BRWD1: variants seen among roughly 807,000 people sequenced by gnomAD.
BRWD1 encodes bromodomain and WD repeat domain containing 1.
In BRWD1, 82 loss-of-function variants were observed where a neutral mutation model predicts 251.2. The observed-to-expected ratio is 0.33, with a 90% CI of 0.27 to 0.39. BRWD1 has a LOEUF of 0.39. BRWD1 is among the 10% of genes least tolerant of loss of function. BRWD1 has a pLI of 1.00. For missense variants in BRWD1, 2,233 were observed against 2,711.6 expected, an observed-to-expected ratio of 0.82 and a Z score of 3.92; for synonymous variants, 918 against 902.8, an observed-to-expected ratio of 1.02 and a Z score of -0.30.
intron 4 of BRWD1, among the ~76,000 whole-genome samples, chr21:39,303,017 C>T (rs966011006): frequency 3.3e-5 from 5 of 152,004 alleles, no homozygotes; most frequent in Non-Finnish European, 4.4e-5. Context: ...CGAGATCACA[C>T]CACCACACTC....
chr21:39,261,779 A>T (rs965658402), intron 17 of BRWD1, among the ~76,000 whole-genome samples: 8 of 152,308 alleles, frequency 5.3e-5, no homozygotes, highest in African/African-American at 1.9e-4. Flanking sequence ...GAAGAAAAAA[A>T]AAAGAAAAAG....
At chr21:39,295,479 G>A (rs145174505) in intron 7 of BRWD1, among the ~76,000 whole-genome samples, 188 of 152,210 alleles carry the variant, frequency 1.2e-3, no homozygotes, top group African/African-American at 4.2e-3. Context: ...GAGCCACCGC[G>A]CCCGGCCAGG....
Position 39,241,325 on chromosome 21 carries a change from G to A in BRWD1, c.2482-2752C>T, listed in dbSNP as rs375663642. Among the ~76,000 whole-genome samples, 103 of 150,628 alleles carry A rather than the reference G, an allele frequency of 6.8e-4. 2 individuals are homozygous for A. The highest frequency in any genetic ancestry group is 2.4e-3 in the African/African-American group (99 of 41,200). ...TACCAAAAACATAAAAAAATTAGCCGGGTGTGGTGATGCATGCCTGTAATC... is the reference window on the plus strand; with the variant it reads ...TACCAAAAACATAAAAAAATTAGCCAGGTGTGGTGATGCATGCCTGTAATC... On this transcript the variant is annotated intron_variant, in intron 21 of 40. Coordinates refer to ENST00000342449, the MANE Select transcript of BRWD1 (RefSeq NM_033656.4).
chr21:39,306,000 T>C (rs981106561), intron 4 of BRWD1, among the ~76,000 whole-genome samples: 14 of 151,806 alleles, frequency 9.2e-5, no homozygotes, highest in African/African-American at 3.4e-4. Flanking sequence ...ATTGGGTCAC[T>C]GCAGTCCAGC....
intron 19 of BRWD1, among the ~76,000 whole-genome samples, chr21:39,252,810 C>A (rs2034439038): frequency 9.1e-6 from 1 of 109,310 alleles, no homozygotes; most frequent in Admixed American, 9.6e-5. Flanking sequence ...TGACAACATT[C>A]TGGTCAATGA....
intron 4 of BRWD1, among the ~76,000 whole-genome samples, chr21:39,306,767 TA>T (rs2146793035): frequency 6.6e-6 from 1 of 152,360 alleles, no homozygotes; most frequent in East Asian, 1.9e-4. Context: ...TCATTTTTCT[TA>T]AACCTTCAAG....
chr21:39,315,510 T>C (rs895096727), upstream of BRWD1, among the ~76,000 whole-genome samples: 5 of 151,952 alleles, frequency 3.3e-5, no homozygotes. Context: ...AGTGCGCGCC[T>C]CTAGTCCCAG....
chr21:39,255,625 A>G lies in BRWD1; in HGVS notation c.2255+20T>C, dbSNP rs1378415452. 1 of 1,587,938 alleles carries G rather than the reference A, an allele frequency of 6.3e-7. No individual in the cohort carries two copies. The highest frequency in any genetic ancestry group is 8.6e-7 in the Non-Finnish European group (1 of 1,156,670). On this transcript the variant is annotated intron_variant, in intron 19 of 40. Coordinates refer to ENST00000342449, the MANE Select transcript of BRWD1 (RefSeq NM_033656.4). ...ATTTTCACAGATAGAAACATTATAA[A>G]TAGATATCCTAAAACAAACCTAAAT...
chr21:39,315,230 C>G (rs926985169), upstream of BRWD1, among the ~76,000 whole-genome samples: 4 of 152,022 alleles, frequency 2.6e-5, no homozygotes, highest in Non-Finnish European at 4.4e-5. Flanking sequence ...TCTCGAACTC[C>G]TGGCCTCAGG....
intron 1 of BRWD1, among the ~76,000 whole-genome samples, chr21:39,320,493 A>G (rs953803799): frequency 6.6e-6 from 1 of 151,456 alleles, no homozygotes; most frequent in Non-Finnish European, 1.5e-5. Context: ...CACCACCACA[A>G]CTGGCTAGTT....
At chr21:39,293,150 G>A (rs1240770141) in intron 8 of BRWD1, among the ~76,000 whole-genome samples, 1 of 152,140 alleles carries the variant, frequency 6.6e-6, no homozygotes, top group East Asian at 1.9e-4. Context: ...CTCTGTATAG[G>A]TTCAAAATTA....
chr21:39,226,084 C>A (rs2033371118), intron 27 of BRWD1, among the ~76,000 whole-genome samples: 1 of 151,958 alleles, frequency 6.6e-6, no homozygotes, highest in Non-Finnish European at 1.5e-5. Context: ...ATTTTTCTTG[C>A]TATTTACCTA....
chr21:39,292,132 TGGG>T (rs1182694435), intron 8 of BRWD1, among the ~76,000 whole-genome samples: 1,235 of 12,390 alleles, frequency 0.1, 83 homozygotes, highest in African/African-American at 0.24. Flanking sequence ...TGGGTGGGGG[TGGG>T]GGGGGGGGTC....
chr21:39,316,657 G>A (rs972354552), upstream of BRWD1, among the ~76,000 whole-genome samples: 4 of 152,218 alleles, frequency 2.6e-5, no homozygotes, highest in Non-Finnish European at 5.9e-5. Flanking sequence ...GATGACACGA[G>A]CCCAGACACA....
chr21:39,294,612 GCC>G (rs1235642597), intron 7 of BRWD1, among the ~76,000 whole-genome samples: 7 of 146,402 alleles, frequency 4.8e-5, no homozygotes, highest in South Asian at 4.2e-4. Flanking sequence ...CGGAGATTGC[GCC>G]ACTGCACTCC....
chr21:39,270,716 T>A (rs1470654033), intron 13 of BRWD1, among the ~76,000 whole-genome samples: 1 of 152,254 alleles, frequency 6.6e-6, no homozygotes, highest in African/African-American at 2.4e-5. Context: ...TCCCTACTTC[T>A]TTCCTATTAT....
chr21:39,310,616 T>C (rs8131067), intron 4 of BRWD1, among the ~76,000 whole-genome samples: 115 of 152,210 alleles, frequency 7.6e-4, no homozygotes, highest in African/African-American at 2.7e-3. Context: ...AAAAAAAAAT[T>C]ATTATTATTC....
Position 39,228,491 on chromosome 21 carries a change from T to A in BRWD1, c.3208+9A>T. 1 of 1,600,346 alleles carries A rather than the reference T, an allele frequency of 6.2e-7. No individual in the cohort carries two copies. The highest frequency in any genetic ancestry group is 1.1e-5 in the South Asian group (1 of 90,664). The stretch of plus-strand genomic sequence containing the variant: ...AAGGGTATATAAAACTTAGTAAGGA[T>A]AGACTTACAAGACTGCCAATTCCTC... On this transcript the variant is annotated intron_variant, in intron 27 of 40. Coordinates refer to ENST00000342449, the MANE Select transcript of BRWD1 (RefSeq NM_033656.4).
intron 8 of BRWD1, among the ~76,000 whole-genome samples, chr21:39,281,531 C>CA (rs1438583536): frequency 1.3e-5 from 2 of 151,944 alleles, no homozygotes; most frequent in Non-Finnish European, 2.9e-5. Context: ...CCTGTCTCTA[C>CA]AAAAAAATAC....
Sources: allele counts gnomAD v4.1 joint callset (sites outside exome capture counted in the v4.1 genomes callset), GRCh38; gene constraint gnomAD v4.1.1; transcripts MANE v1.5; gene names NCBI Gene and HGNC (gene_info 2026-07-23, HGNC 2026-07-21).